Variants in NUP85 observed in about 807,000 individuals in gnomAD.
NUP85 encodes nuclear pore complex protein Nup85.
NUP85 carries 23 observed loss-of-function variants against 92.8 expected under a neutral mutation model. The ratio of observed to expected loss-of-function variants is 0.25; its 90% CI spans 0.18 to 0.35. The LOEUF (loss-of-function observed/expected upper bound fraction) is 0.35. NUP85 is among the 10% of genes least tolerant of loss of function. NUP85 has a pLI of 1.00. For synonymous variants in NUP85, 314 were observed against 306.9 expected (o/e 1.02, Z -0.24); for missense variants, 759 against 822.8 (o/e 0.92, Z 0.95).
At chr17:75,206,406 A>G (rs533614849) in intron 1 of NUP85, among the ~76,000 whole-genome samples, 4 of 152,098 alleles carry the variant, frequency 2.6e-5, no homozygotes, top group African/African-American at 9.6e-5. Context: ...GTCTCAACCG[A>G]TAAAGGTTTA....
chr17:75,226,187 C>T, intron 11 of NUP85, 30 bp downstream of exon 11: 3 of 1,578,162 alleles, frequency 1.9e-6, no homozygotes, highest in Non-Finnish European at 2.6e-6. Context: ...CCACTGTAAC[C>T]ATTTTTAGGT....
chr17:75,208,278 A>G (rs1337965610), intron 1 of NUP85: 3 of 380,598 alleles, frequency 7.9e-6, no homozygotes, highest in Non-Finnish European at 1.4e-5. Flanking sequence ...TCTACTAAAA[A>G]TGAAAAAAAA....
intron 11 of NUP85, among the ~76,000 whole-genome samples, chr17:75,229,546 C>A (rs1314927956): frequency 6.6e-6 from 1 of 152,182 alleles, no homozygotes; most frequent in Non-Finnish European, 1.5e-5. Flanking sequence ...CTCGGCTGCT[C>A]ACTCAGAATC....
intron 7 of NUP85, among the ~76,000 whole-genome samples, chr17:75,218,977 C>T (rs75765017): frequency 0.13 from 19,551 of 151,936 alleles, 1,492 homozygotes; most frequent in Middle Eastern, 0.23. Context: ...TGAGCTTGCA[C>T]ATTACTTTGG....
At chr17:75,232,183 C>G (rs1161804236) in intron 14 of NUP85, 1 of 595,128 alleles carries the variant, frequency 1.7e-6, no homozygotes, top group Non-Finnish European at 2.9e-6. Context: ...GGAACCCAGA[C>G]AAAATCTACA....
chr17:75,217,371 T>TCA, intron 6 of NUP85, among the ~76,000 whole-genome samples: 1 of 62,410 alleles, frequency 1.6e-5, no homozygotes, highest in Admixed American at 1.8e-4. Flanking sequence ...GGCTAATTTT[T>TCA]TATTTTTTTT....
In NUP85 at chr17:75,231,371, C is replaced by T; in HGVS notation, c.1126C>T (p.His376Tyr). The change falls in exon 12 of 19, where the codon CAC (histidine) becomes TAC (tyrosine). Residue 376 changes from histidine (H) to tyrosine (Y), a missense_variant. His to Tyr is a moderately conservative substitution (Grantham distance 83). Coordinates refer to ENST00000245544, the MANE Select transcript of NUP85 (RefSeq NM_024844.5). This position sits in a 1 kb window ranked among gnomAD's most constrained non-coding sequence, Gnocchi z 4.6. ...IALSNWWFVA[H>Y]LTDLLDHCKL... is the part of the protein sequence containing the mutation. ...CCTGAGCAACTGGTGGTTTGTGGCC[C>T]ACCTGACAGACCTGCTGGACCACTG... The T allele has an allele frequency of 6.2e-7, 1 of 1,614,198 alleles. No homozygotes were observed. The highest frequency in any genetic ancestry group is 8.5e-7 in the Non-Finnish European group (1 of 1,180,046).
At chr17:75,233,363 TTGTTTTTC>T (rs2076153341) in intron 16 of NUP85, among the ~76,000 whole-genome samples, 1 of 140,512 alleles carries the variant, frequency 7.1e-6, no homozygotes, top group Admixed American at 7.6e-5. Context: ...GTTTGTTTGT[TTGTTTTTC>T]TTTCTTTCTC....
At chr17:75,235,341 C>T (rs1166269164) in intron 18 of NUP85, 140 bp downstream of exon 18, 1 of 635,004 alleles carries the variant, frequency 1.6e-6, no homozygotes. Flanking sequence ...GTAATTCACA[C>T]ACCACCTTCT....
At chr17:75,228,806 C>G in intron 11 of NUP85, 3 of 985,402 alleles carry the variant, frequency 3.0e-6, no homozygotes, top group Non-Finnish European at 2.4e-6. Context: ...TGTCAATAAT[C>G]GTGCCAGACC....
rs148363627 is a variant in NUP85 at position 75,231,732 on chromosome 17, G to GT, written c.1244+94_1244+95insT. ...ACTGTTCTCTCCCAGTTGGCTCCTT[G>GT]AAGGCTTCGGAAGGGTCAGTGAAAG... On this transcript the variant is annotated intron_variant, in intron 13 of 18. Transcript: ENST00000245544. This position sits in a 1 kb window ranked among gnomAD's most constrained non-coding sequence, Gnocchi z 4.6. The GT allele has an allele frequency of 0.096, 153,937 of 1,605,060 alleles. 8,896 individuals carry two copies. The highest frequency in any genetic ancestry group is 0.11 in the Non-Finnish European group (131,660 of 1,172,666).
rs779820254 is a variant in NUP85, at chr17:75,235,209, TCA to T, written c.1869+10_1869+11del. ...GATACCGAGCAGCTCCAGGTCATTTTCACTTTTGGGTTGATGGTTCCACATGG... is the reference window on the plus strand; with the variant it reads ...GATACCGAGCAGCTCCAGGTCATTTTCTTTTGGGTTGATGGTTCCACATGG... On this transcript the variant is annotated intron_variant, in intron 18 of 18. Coordinates refer to ENST00000245544, the MANE Select transcript of NUP85 (RefSeq NM_024844.5). 5 of 1,606,670 alleles carry T rather than the reference TCA, an allele frequency of 3.1e-6. No homozygotes were observed. In the Admixed American group the frequency reaches 8.5e-5, roughly 27 times the overall value.
intron 1 of NUP85, among the ~76,000 whole-genome samples, chr17:75,207,343 C>T (rs889381465): frequency 1.3e-5 from 2 of 151,664 alleles, no homozygotes; most frequent in Non-Finnish European, 2.9e-5. Context: ...GCCACCATGC[C>T]CGGCTAATTT....
At chr17:75,207,049 A>G (rs2075106656) in intron 1 of NUP85, among the ~76,000 whole-genome samples, 1 of 152,072 alleles carries the variant, frequency 6.6e-6, no homozygotes, top group South Asian at 2.1e-4. Flanking sequence ...GGTAGTTGAC[A>G]TTGTCAGAAT....
chr17:75,224,439 AG>A (rs1466505501), intron 7 of NUP85, among the ~76,000 whole-genome samples: 2 of 152,080 alleles, frequency 1.3e-5, no homozygotes, highest in Non-Finnish European at 2.9e-5. Flanking sequence ...ACATTTTGTG[AG>A]AAGATGGTGG....
intron 5 of NUP85, among the ~76,000 whole-genome samples, chr17:75,213,673 T>C (rs1424451107): frequency 1.3e-5 from 2 of 152,120 alleles, no homozygotes; most frequent in African/African-American, 2.4e-5. Context: ...AGAAGTAATC[T>C]TGTGAGATCA....
intron 1 of NUP85, among the ~76,000 whole-genome samples, chr17:75,206,574 AATGATTAC>A (rs1442204776): frequency 1.3e-5 from 2 of 152,100 alleles, no homozygotes; most frequent in Non-Finnish European, 2.9e-5. Context: ...TGAGGAGGCA[AATGATTAC>A]ATTCTTGTGA....
At chr17:75,233,844 T>C (rs1257995215) in intron 16 of NUP85, among the ~76,000 whole-genome samples, 7 of 151,988 alleles carry the variant, frequency 4.6e-5, no homozygotes, top group Admixed American at 1.3e-4. Context: ...GTGATCCGCC[T>C]GCCTCGGCCT....
chr17:75,233,578 C>T (rs2076187921), intron 16 of NUP85, among the ~76,000 whole-genome samples: 1 of 151,216 alleles, frequency 6.6e-6, no homozygotes, highest in Non-Finnish European at 1.5e-5. Context: ...CGCGGAACCA[C>T]ACCTGGCTAA....
Sources: allele counts gnomAD v4.1 joint callset (sites outside exome capture counted in the v4.1 genomes callset), GRCh38; gene constraint gnomAD v4.1.1; non-coding constraint Gnocchi (gnomAD v3.1); transcripts MANE v1.5; gene names NCBI Gene and HGNC (gene_info 2026-07-23, HGNC 2026-07-21).